Variants in DOCK8 observed in about 807,000 individuals in gnomAD.
The protein encoded by DOCK8 is dedicator of cytokinesis 8.
A neutral mutation model predicts 245.6 loss-of-function variants in DOCK8; 141 were observed. The ratio of observed to expected loss-of-function variants is 0.57; its 90% CI spans 0.50 to 0.66. DOCK8 has a LOEUF of 0.66. Ranked by LOEUF, DOCK8 falls within the 30% of genes least tolerant of loss-of-function variation. The pLI, the probability that DOCK8 is intolerant of heterozygous loss-of-function variation, is 0.00. For missense variants in DOCK8, 2,965 were observed against 2,603.4 expected (o/e 1.14, Z -3.02); for synonymous variants, 1,168 against 970.2 (o/e 1.20, Z -3.79).
intron 42 of DOCK8, 97 bp from the exon 43 acceptor site, chr9:443,330 A>G (rs961018150): frequency 2.7e-5 from 31 of 1,134,590 alleles, no homozygotes; most frequent in Non-Finnish European, 4.1e-5. Context: ...ACATCATTCT[A>G]CCTTGCACTT....
intron 10 of DOCK8, among the ~76,000 whole-genome samples, chr9:333,291 T>G (rs879560182): frequency 2.0e-5 from 3 of 152,242 alleles, no homozygotes; most frequent in Non-Finnish European, 4.4e-5. Flanking sequence ...TTGCAAAGAT[T>G]CCCAGTGTGA....
intron 21 of DOCK8, chr9:381,025 C>T (rs2053699771): frequency 6.6e-6 from 1 of 152,562 alleles, no homozygotes; most frequent in Non-Finnish European, 1.5e-5. Flanking sequence ...CATTTAAGCC[C>T]AGGAGTTGGA....
At chr9:236,389 T>C (rs2047249849) in intron 1 of DOCK8, among the ~76,000 whole-genome samples, 1 of 152,192 alleles carries the variant, frequency 6.6e-6, no homozygotes, top group Non-Finnish European at 1.5e-5. Flanking sequence ...GATTGGCAAA[T>C]GTAGTTTTCA....
intron 26 of DOCK8, among the ~76,000 whole-genome samples, chr9:400,930 A>C (rs909875894): frequency 0.04 from 442 of 11,070 alleles, 1 homozygote; most frequent in African/African-American, 0.055. Context: ...CCATCACCAC[A>C]ACATCCACCA....
chr9:220,132 A>T (rs1439731510), intron 1 of DOCK8, among the ~76,000 whole-genome samples: 1 of 152,168 alleles, frequency 6.6e-6, no homozygotes, highest in Admixed American at 6.6e-5. Context: ...TATTTGTCTG[A>T]TGTGTTCTAG....
chr9:286,580 C>T lies in DOCK8; in HGVS notation c.276C>T (p.Asp92=), dbSNP rs769215982. ...ELGDFTDDDL[D]VVFTPKECRT... ...GGGACTTCACTGATGACGACTTGGA[C>T]GTGGTGTTCACGCCAAAGGAATGTA... The change falls in exon 3 of 48, where the codon GAC becomes GAT. Residue 92 remains aspartate (D), a synonymous_variant. Transcript: ENST00000432829. The T allele has an allele frequency of 2.0e-5, 33 of 1,613,806 alleles. No homozygotes were observed. In the African/African-American group the frequency reaches 2.8e-4, roughly 14 times the overall value.
intron 24 of DOCK8, among the ~76,000 whole-genome samples, chr9:394,467 A>C (rs928019137): frequency 1.3e-5 from 2 of 152,220 alleles, no homozygotes; most frequent in Non-Finnish European, 2.9e-5. Context: ...GAAAGACAAC[A>C]GCTTCCTTGG....
chr9:455,219 A>T (rs1003767669), intron 46 of DOCK8, among the ~76,000 whole-genome samples: 37 of 152,170 alleles, frequency 2.4e-4, no homozygotes, highest in African/African-American at 8.4e-4. Context: ...TTTTGGCCTG[A>T]TGCAGTGGCT....
intron 1 of DOCK8, among the ~76,000 whole-genome samples, chr9:229,856 A>T (rs1295345574): frequency 6.6e-6 from 1 of 151,980 alleles, no homozygotes. Context: ...TAAACAAATT[A>T]GGGGTTTATT....
Position 396,878 on chromosome 9 carries a change from A to G in DOCK8, c.3064A>G (p.Thr1022Ala). The G allele has an allele frequency of 6.2e-7, 1 of 1,614,108 alleles. No homozygotes were observed. Among genetic ancestry groups the G allele is most frequent in the South Asian group, 1.1e-5 (1 of 91,074 alleles). The stretch of plus-strand genomic sequence containing the variant: ...TGACCGTTTCATGGATGACATAACT[A>G]CTATTGTTAATGTGGTCACCTCGGA... The part of the protein sequence containing the change: ...FSDRFMDDIT[T>A]IVNVVTSEIA... Residue 1022 changes from threonine to alanine, a missense_variant, in exon 25 of 48, where the codon ACT (threonine) becomes GCT (alanine). Coordinates refer to ENST00000432829, the MANE Select transcript of DOCK8 (RefSeq NM_203447.4).
chr9:358,820 G>C (rs1248668083), intron 14 of DOCK8, among the ~76,000 whole-genome samples: 2 of 152,190 alleles, frequency 1.3e-5, no homozygotes, highest in South Asian at 4.1e-4. Context: ...TTGCACTCCA[G>C]CCTGGGTGAC....
intron 1 of DOCK8, among the ~76,000 whole-genome samples, chr9:256,652 C>T (rs1284443156): frequency 6.6e-6 from 1 of 152,068 alleles, no homozygotes; most frequent in Non-Finnish European, 1.5e-5. Flanking sequence ...TCATCTCCTC[C>T]CCTCCTATAG....
At position 327,983 on chromosome 9, in the gene DOCK8, C is replaced by T. The variant is rs200634862; in HGVS notation, c.895-39C>T. On this transcript the variant is annotated intron_variant, in intron 8 of 47. Coordinates refer to ENST00000432829, the MANE Select transcript of DOCK8 (RefSeq NM_203447.4). ...TAACATGTTTAAACCATGAATGCAA[C>T]AGGTCTAACTTATATTTCACTTTGC... 54 of 1,596,266 alleles carry T rather than the reference C, an allele frequency of 3.4e-5. No individual in the cohort carries two copies. The African/African-American group carries it at 5.4e-4, about 16-fold the overall frequency.
At chr9:342,224 G>T (rs2051634640) in intron 14 of DOCK8, among the ~76,000 whole-genome samples, 1 of 151,586 alleles carries the variant, frequency 6.6e-6, no homozygotes, top group Non-Finnish European at 1.5e-5. Flanking sequence ...CAAAAAGGTT[G>T]AGGATTGCTG....
chr9:446,621 G>C lies in DOCK8; in HGVS notation c.5817+15G>C, dbSNP rs2057270682. ...AGAAGGAGGAGGTAATGCACCCAAG[G>C]GATTGGCCACCACTGGATGAGTGGG... On this transcript the variant is annotated intron_variant, in intron 44 of 47. Transcript: ENST00000432829. 1 of 1,613,122 alleles carries C rather than the reference G, an allele frequency of 6.2e-7. No individual in the cohort carries two copies. Among genetic ancestry groups the C allele is most frequent in the African/African-American group, 1.3e-5 (1 of 74,982 alleles).
At chr9:352,968 C>A (rs896092679) in intron 14 of DOCK8, among the ~76,000 whole-genome samples, 1 of 152,076 alleles carries the variant, frequency 6.6e-6, no homozygotes, top group African/African-American at 2.4e-5. Flanking sequence ...ATATGCCTGG[C>A]AATACTCGTC....
intron 4 of DOCK8, among the ~76,000 whole-genome samples, chr9:293,458 A>G (rs1192107938): frequency 2.0e-5 from 3 of 152,236 alleles, no homozygotes; most frequent in Non-Finnish European, 4.4e-5. Flanking sequence ...GGAGAAGGAC[A>G]AGGAGAAGGT....
chr9:330,200 A>AT (rs962910510), intron 9 of DOCK8, among the ~76,000 whole-genome samples: 12 of 152,056 alleles, frequency 7.9e-5, no homozygotes, highest in East Asian at 7.7e-4. Context: ...ATTTTGTGAA[A>AT]TTTTTTTTTA....
At chr9:331,963 T>C (rs1335965338) in intron 9 of DOCK8, among the ~76,000 whole-genome samples, 1 of 152,262 alleles carries the variant, frequency 6.6e-6, no homozygotes, top group African/African-American at 2.4e-5. Flanking sequence ...ATCTCTTTTT[T>C]ACATTGTAAG....
Sources: gnomAD v4.1 joint callset for allele counts (sites outside exome capture counted in the v4.1 genomes callset) on GRCh38, gnomAD v4.1.1 for gene constraint, MANE v1.5 for transcripts, NCBI Gene and HGNC (gene_info 2026-07-23, HGNC 2026-07-21) for gene names.